Variants in MYO10 observed in about 807,000 individuals in gnomAD.
The protein encoded by MYO10 is unconventional myosin-X.
MYO10 carries 133 observed loss-of-function variants against 257.3 expected under a neutral mutation model. That is an observed-to-expected ratio of 0.52 (90% CI 0.45 to 0.60). The LOEUF (loss-of-function observed/expected upper bound fraction) is 0.60. Ranked by LOEUF, MYO10 falls within the 20% of genes least tolerant of loss-of-function variation. The pLI, the probability that MYO10 is intolerant of heterozygous loss-of-function variation, is 0.00. For synonymous variants in MYO10, 1,104 were observed against 1,028.6 expected, an observed-to-expected ratio of 1.07 and a Z score of -1.40; for missense variants, 2,399 against 2,635.7, an observed-to-expected ratio of 0.91 and a Z score of 1.97.
At chr5:16,683,746 G>T in intron 30 of MYO10, 134 bp downstream of exon 30, 1 of 792,542 alleles carries the variant, frequency 1.3e-6, no homozygotes, top group Non-Finnish European at 2.0e-6. Flanking sequence ...GATTGCTGGG[G>T]TTGACAAGGT....
intron 2 of MYO10, among the ~76,000 whole-genome samples, chr5:16,836,951 T>A (rs1255313420): frequency 6.6e-6 from 1 of 152,172 alleles, no homozygotes; most frequent in African/African-American, 2.4e-5. Context: ...CAAATGGTTG[T>A]AACAGATGAT....
Position 16,732,708 on chromosome 5 carries a change from G to A in MYO10, c.1930-21463C>T, listed in dbSNP as rs536238321. Among the ~76,000 whole-genome samples the A allele has an allele frequency of 5.3e-5, 8 of 152,308 alleles. No homozygotes were observed. The South Asian group carries it at 1.2e-3, about 24-fold the overall frequency. ...GTGAGGACTGAGCAAGAAAAAGAAG[G>A]GAGGAGATGAGGAGGGAAATAAGAG... On this transcript the variant is annotated intron_variant, in intron 19 of 40. Transcript: ENST00000513610.
At chr5:16,848,350 G>C (rs1743701829) in intron 2 of MYO10, among the ~76,000 whole-genome samples, 1 of 151,868 alleles carries the variant, frequency 6.6e-6, no homozygotes, top group African/African-American at 2.4e-5. Flanking sequence ...AGTAGAGACA[G>C]GGTTTCACCA....
At chr5:16,857,308 T>C (rs2126741978) in intron 2 of MYO10, among the ~76,000 whole-genome samples, 1 of 152,314 alleles carries the variant, frequency 6.6e-6, no homozygotes, top group East Asian at 1.9e-4. Context: ...TACTGCTCAA[T>C]AAGGATTCCT....
At chr5:16,690,811 A>G (rs200151833) in intron 27 of MYO10, among the ~76,000 whole-genome samples, 1 of 151,914 alleles carries the variant, frequency 6.6e-6, no homozygotes, top group East Asian at 1.9e-4. Context: ...TCTTGATCTC[A>G]TCTGCAACCC....
At chr5:16,898,393 C>G (rs1013554816) in intron 1 of MYO10, among the ~76,000 whole-genome samples, 5 of 150,266 alleles carry the variant, frequency 3.3e-5, no homozygotes, top group Non-Finnish European at 7.4e-5. Context: ...TTTTCCATAC[C>G]CATTCTCAAA....
In MYO10 at chr5:16,794,790, G is replaced by A. The variant is rs566445476; in HGVS notation, c.323C>T (p.Pro108Leu). ...GGCAGGCTCGTACAGCCCGGCGATGGGCTGGTAGGGGTTCACGGAGGCCAG... is the reference window on the plus strand; with the variant it reads ...GGCAGGCTCGTACAGCCCGGCGATGAGCTGGTAGGGGTTCACGGAGGCCAG... ...SILASVNPYQ[P>L]IAGLYEPATM... The change falls in exon 4 of 41, where the codon CCC becomes CTC. Residue 108 changes from proline (P) to leucine (L), a missense_variant. Pro to Leu is a moderately conservative substitution (Grantham distance 98). This residue lies in a region of MYO10 where 242 missense variants were observed against 249.5 expected (regional missense o/e 0.97). Coordinates refer to ENST00000513610, the MANE Select transcript of MYO10 (RefSeq NM_012334.3). 1.3e-6 allele frequency: 2 copies of A among 1,595,766 alleles called. No homozygotes were observed. The highest frequency in any genetic ancestry group is 4.6e-5 in the East Asian group (2 of 43,832).
rs1307588531 is a variant in MYO10, at chr5:16,662,542, G to A, written c.*4150C>T. 1 of 151,812 alleles carries A rather than the reference G, an allele frequency of 6.6e-6. No homozygotes were observed. The highest frequency in any genetic ancestry group is 1.5e-5 in the Non-Finnish European group (1 of 67,998). The allele number at this position is 151,812 out of a possible 1,614,324, so 9.4% of individuals were successfully genotyped here. A position where few individuals can be genotyped will look rare whatever the true frequency, so the allele number is the denominator to read the frequency against. ...TTGTCATGTTGCCCAGACTGGTCTT[G>A]AACTCCGGAGCTCAAGCGATCCTCT... On this transcript the variant is annotated 3_prime_UTR_variant, in exon 41 of 41. Coordinates refer to ENST00000513610, the MANE Select transcript of MYO10 (RefSeq NM_012334.3).
rs929570581 is a variant in MYO10, at chr5:16,702,774, C to G, written c.2510+151G>C. ...CACAGAACTGGGTCTTTAATGCTGC[C>G]AAGGAATTTTATATTCTAGCCACCT... On this transcript the variant is annotated intron_variant, in intron 23 of 40. Transcript: ENST00000513610. 22 of 928,290 alleles carry G rather than the reference C, an allele frequency of 2.4e-5. No individual in the cohort carries two copies. In the African/African-American group the frequency reaches 3.5e-4, roughly 15 times the overall value. The allele number at this position is 928,290 out of a possible 1,614,324, so 57.5% of individuals were successfully genotyped here.
intron 3 of MYO10, among the ~76,000 whole-genome samples, chr5:16,817,594 TG>T (rs1325157701): frequency 6.6e-6 from 1 of 152,046 alleles, no homozygotes; most frequent in Non-Finnish European, 1.5e-5. Flanking sequence ...GCCAGAAAAA[TG>T]ACTGAAAATC....
intron 9 of MYO10, among the ~76,000 whole-genome samples, chr5:16,778,020 TTG>T (rs1741274488): frequency 2.6e-5 from 4 of 151,656 alleles, no homozygotes; most frequent in Admixed American, 2.6e-4. Context: ...AGCTAATTTT[TTG>T]TGTGTTTTTA....
At chr5:16,719,138 G>A (rs1315919776) in intron 19 of MYO10, among the ~76,000 whole-genome samples, 6 of 151,686 alleles carry the variant, frequency 4.0e-5, no homozygotes, top group Non-Finnish European at 5.9e-5. Context: ...CACTCACCAC[G>A]AAGATCTGCA....
At chr5:16,934,725 G>A (rs1483682216) in intron 1 of MYO10, among the ~76,000 whole-genome samples, 1 of 152,114 alleles carries the variant, frequency 6.6e-6, no homozygotes, top group African/African-American at 2.4e-5. Flanking sequence ...TTATCACTTT[G>A]GCCAGTATGA....
At chr5:16,783,093 T>C (rs907764244) in intron 5 of MYO10, among the ~76,000 whole-genome samples, 1 of 152,136 alleles carries the variant, frequency 6.6e-6, no homozygotes, top group African/African-American at 2.4e-5. Flanking sequence ...AGACAGCCAT[T>C]GCGCGCCACT....
intron 33 of MYO10, among the ~76,000 whole-genome samples, chr5:16,677,235 T>C (rs1053567940): frequency 2.0e-5 from 3 of 152,116 alleles, no homozygotes; most frequent in African/African-American, 7.2e-5. Context: ...TTCAGTAATA[T>C]CCAATTGAAG....
intron 1 of MYO10, 23 bp downstream of exon 1, chr5:16,935,765 G>C: frequency 3.1e-6 from 5 of 1,613,448 alleles, no homozygotes; most frequent in Non-Finnish European, 4.2e-6. Context: ...CCGGAGGCCA[G>C]GTCGGACTGG....
intron 19 of MYO10, among the ~76,000 whole-genome samples, chr5:16,747,606 A>G (rs1740232806): frequency 6.6e-6 from 1 of 152,210 alleles, no homozygotes; most frequent in African/African-American, 2.4e-5. Flanking sequence ...AGTAAAGCTA[A>G]AGAGAAACCA....
At chr5:16,915,457 T>C (rs1036030186) in intron 1 of MYO10, among the ~76,000 whole-genome samples, 2 of 152,162 alleles carry the variant, frequency 1.3e-5, no homozygotes, top group African/African-American at 4.8e-5. Context: ...GGTGCATCAG[T>C]CAATCAGTCG....
At chr5:16,828,595 G>C (rs910471017) in intron 2 of MYO10, among the ~76,000 whole-genome samples, 2 of 147,384 alleles carry the variant, frequency 1.4e-5, no homozygotes, top group African/African-American at 5.1e-5. Context: ...ACTCCAGCCT[G>C]GATGACAGAG....
Sources: gnomAD v4.1 joint callset for allele counts (sites outside exome capture counted in the v4.1 genomes callset) on GRCh38, gnomAD v4.1.1 for gene constraint, gnomAD v4.1.1 regional missense constraint, MANE v1.5 for transcripts, NCBI Gene and HGNC (gene_info 2026-07-23, HGNC 2026-07-21) for gene names.